Variants in ZNRF3 observed in about 807,000 individuals in gnomAD.
ZNRF3 encodes the protein zinc and ring finger 3, also known as E3 ubiquitin-protein ligase ZNRF3.
In ZNRF3, 23 loss-of-function variants were observed where a neutral mutation model predicts 72.5. The ratio of observed to expected loss-of-function variants is 0.32; its 90% CI spans 0.23 to 0.45. The LOEUF (loss-of-function observed/expected upper bound fraction) is 0.45, where lower values mean the gene tolerates loss of function less well. ZNRF3 is among the 20% of genes least tolerant of loss of function. The pLI, the probability that ZNRF3 is intolerant of heterozygous loss-of-function variation, is 1.00. For missense variants in ZNRF3, 1,169 were observed against 1,272.1 expected (o/e 0.92, Z 1.23); for synonymous variants, 610 against 545.3 (o/e 1.12, Z -1.65).
chr22:28,962,847 C>T (rs377289827), intron 1 of ZNRF3, among the ~76,000 whole-genome samples: 124 of 152,352 alleles, frequency 8.1e-4, no homozygotes, highest in African/African-American at 2.8e-3. Context: ...ATAAAAGGCT[C>T]AGTGCAGTGT....
intron 1 of ZNRF3, among the ~76,000 whole-genome samples, chr22:28,940,925 T>A (rs2034934022): frequency 6.6e-6 from 1 of 152,144 alleles, no homozygotes; most frequent in African/African-American, 2.4e-5. Context: ...TTATGGACAG[T>A]TGTTCCATTT....
At chr22:28,895,024 G>A (rs901687736) in intron 1 of ZNRF3, among the ~76,000 whole-genome samples, 1 of 152,148 alleles carries the variant, frequency 6.6e-6, no homozygotes, top group Non-Finnish European at 1.5e-5. Flanking sequence ...CTCACTGACA[G>A]TTCCATTTAC....
At position 28,889,361 on chromosome 22, in the gene ZNRF3, T is replaced by C. The variant is rs139431435; in HGVS notation, c.300+5295T>C. On this transcript the variant is annotated intron_variant, in intron 1 of 8. Coordinates refer to ENST00000544604, the MANE Select transcript of ZNRF3 (RefSeq NM_001206998.2). The stretch of plus-strand genomic sequence containing the variant: ...TTCCAGGGTTCTGTGATGTGTCCCC[T>C]CTATACCCACAAGGAAAAGGGGAAA... 8.9e-3 allele frequency among the ~76,000 whole-genome samples: 1,356 copies of C among 152,282 alleles called. 20 individuals carry two copies. The highest frequency in any genetic ancestry group is 0.028 in the African/African-American group (1,177 of 41,552).
intron 1 of ZNRF3, among the ~76,000 whole-genome samples, chr22:28,888,883 C>T (rs1486407710): frequency 6.6e-6 from 1 of 151,788 alleles, no homozygotes; most frequent in East Asian, 1.9e-4. Context: ...TTTGGGAGGT[C>T]GAGGCGGGTG....
intron 1 of ZNRF3, among the ~76,000 whole-genome samples, chr22:28,887,400 G>T (rs1035160421): frequency 1.3e-5 from 2 of 151,856 alleles, no homozygotes; most frequent in African/African-American, 2.4e-5. Flanking sequence ...GTGTCAGTTT[G>T]TCAGTGTCAG....
intron 2 of ZNRF3, among the ~76,000 whole-genome samples, chr22:29,037,100 G>C (rs1018632980): frequency 4.6e-5 from 7 of 152,164 alleles, no homozygotes; most frequent in African/African-American, 1.7e-4. Context: ...TTCTGTCAAA[G>C]TTTTCCCGCA....
intron 1 of ZNRF3, among the ~76,000 whole-genome samples, chr22:28,922,887 A>G (rs2034534805): frequency 6.6e-6 from 1 of 152,092 alleles, no homozygotes; most frequent in South Asian, 2.1e-4. Flanking sequence ...CGTGTAGCAG[A>G]AGAGGTGTAA....
chr22:29,027,542 C>T (rs1394393758), intron 2 of ZNRF3, among the ~76,000 whole-genome samples: 1 of 152,106 alleles, frequency 6.6e-6, no homozygotes. Flanking sequence ...AGCCACCATG[C>T]CTGGCCCCCT....
At chr22:28,884,430 G>A (rs1434323042) in intron 1 of ZNRF3, among the ~76,000 whole-genome samples, 2 of 152,250 alleles carry the variant, frequency 1.3e-5, no homozygotes, top group Non-Finnish European at 2.9e-5. Flanking sequence ...AAGTGATGAG[G>A]GATGGGGTGG....
intron 2 of ZNRF3, among the ~76,000 whole-genome samples, chr22:29,034,640 A>G (rs1029910618): frequency 7.9e-5 from 12 of 152,272 alleles, no homozygotes; most frequent in Non-Finnish European, 1.8e-4. Flanking sequence ...GACACCGACC[A>G]GGAAAATCAT....
chr22:28,962,412 T>C (rs1454909825), intron 1 of ZNRF3, among the ~76,000 whole-genome samples: 3 of 152,216 alleles, frequency 2.0e-5, no homozygotes, highest in East Asian at 1.9e-4. Context: ...GTGATACTTA[T>C]GCTTATCTCA....
At chr22:28,995,585 G>T (rs1254071630) in intron 2 of ZNRF3, among the ~76,000 whole-genome samples, 2 of 152,118 alleles carry the variant, frequency 1.3e-5, no homozygotes, top group Non-Finnish European at 2.9e-5. Context: ...ATGATGAATG[G>T]GTTTTGCCAA....
intron 1 of ZNRF3, among the ~76,000 whole-genome samples, chr22:28,951,439 T>C (rs1232437898): frequency 2.6e-5 from 4 of 151,938 alleles, no homozygotes; most frequent in Admixed American, 6.5e-5. Flanking sequence ...GAGGCAGTGA[T>C]TGGGGTGATG....
intron 2 of ZNRF3, among the ~76,000 whole-genome samples, chr22:29,033,315 C>T (rs1406223080): frequency 7.2e-6 from 1 of 138,972 alleles, no homozygotes; most frequent in African/African-American, 2.7e-5. Flanking sequence ...TGTGCCACTG[C>T]ACTCCAGCAT....
chr22:28,961,993 T>A (rs1280453742), intron 1 of ZNRF3, among the ~76,000 whole-genome samples: 3 of 152,234 alleles, frequency 2.0e-5, no homozygotes, highest in Non-Finnish European at 2.9e-5. Flanking sequence ...CTTTAAGATA[T>A]CTTGAGGAGA....
chr22:29,054,744 C>A lies in ZNRF3; in HGVS notation c.*1122C>A. ...TGCGCCTGCATCTGTGTGGGGGCAG[C>A]CACACCCCTTGGCTGCTGCTTCCTT... On this transcript the variant is annotated 3_prime_UTR_variant, in exon 9 of 9. Transcript: ENST00000544604. 1 of 152,990 alleles carries A rather than the reference C, an allele frequency of 6.5e-6. No homozygotes were observed. 9.5% of individuals were successfully genotyped at this position (152,990 alleles called of 1,614,324 possible).
chr22:29,046,764 A>G lies in ZNRF3; in HGVS notation c.793A>G (p.Arg265Gly), dbSNP rs779128247. The change falls in exon 6 of 9, where the codon AGA (arginine) becomes GGA (glycine). Residue 265 changes from arginine (R) to glycine (G), a missense_variant. Arg to Gly is a moderately radical substitution (Grantham distance 125). Transcript: ENST00000544604. ...GCAGGCTCTAGAGAAGATGGAAACC[A>G]GAAAGTTCAACTCCAAGAGCAAGGG... ...AVQALEKMETRKFNSKSKGRR... is the reference protein window; with the variant it reads ...AVQALEKMETGKFNSKSKGRR... 6.2e-7 allele frequency: 1 copy of G among 1,612,192 alleles called. No individual in the cohort carries two copies. The highest frequency in any genetic ancestry group is 1.1e-5 in the South Asian group (1 of 90,360).
chr22:28,917,824 G>A (rs536513410), intron 1 of ZNRF3, among the ~76,000 whole-genome samples: 3 of 152,344 alleles, frequency 2.0e-5, no homozygotes, highest in East Asian at 1.9e-4. Context: ...AGGCTCAGTC[G>A]TTAGAACACT....
In ZNRF3 at chr22:29,048,730, A is replaced by T. The variant is rs570151388; in HGVS notation, c.1015+239A>T. Among the ~76,000 whole-genome samples the T allele has an allele frequency of 7.9e-5, 12 of 152,268 alleles. No individual in the cohort carries two copies. Among genetic ancestry groups the T allele is most frequent in the African/African-American group, 2.9e-4 (12 of 41,560 alleles). On this transcript the variant is annotated intron_variant, in intron 7 of 8. Transcript: ENST00000544604. The surrounding 1 kb of genome is among the most constrained non-coding windows in gnomAD (Gnocchi z 4.9). Reference sequence around the variant, plus strand: ...GCAGCTTCTTGACCTCGGGCAAGACATCTGGCCTCTCCTAGGCCTGAGGCC... The same window carrying T: ...GCAGCTTCTTGACCTCGGGCAAGACTTCTGGCCTCTCCTAGGCCTGAGGCC...
Sources: allele counts gnomAD v4.1 joint callset (sites outside exome capture counted in the v4.1 genomes callset), GRCh38; gene constraint gnomAD v4.1.1; non-coding constraint Gnocchi (gnomAD v3.1); transcripts MANE v1.5; gene names NCBI Gene and HGNC (gene_info 2026-07-23, HGNC 2026-07-21).